Variants in CADM2 observed in about 807,000 individuals in gnomAD.
CADM2 encodes cell adhesion molecule 2, also known as immunoglobulin superfamily member 4D.
In CADM2, 12 loss-of-function variants were observed where a neutral mutation model predicts 49.8. The ratio of observed to expected loss-of-function variants is 0.24; its 90% confidence interval spans 0.15 to 0.39. CADM2 has a LOEUF of 0.39. Ranked by LOEUF, CADM2 falls within the 10% of genes least tolerant of loss-of-function variation. The pLI, the probability that CADM2 is intolerant of heterozygous loss-of-function variation, is 1.00. For synonymous variants in CADM2, 214 were observed against 175.4 expected, an observed-to-expected ratio of 1.22 and a Z score of -1.74; for missense variants, 378 against 492.3, an observed-to-expected ratio of 0.77 and a Z score of 2.20.
chr3:85,269,477 A>C (rs1461584807), intron 1 of CADM2, among the ~76,000 whole-genome samples: 1 of 151,496 alleles, frequency 6.6e-6, no homozygotes, highest in Non-Finnish European at 1.5e-5. Flanking sequence ...ACTCCAATAA[A>C]TGTATTAACA....
chr3:85,165,072 C>T (rs952949343), intron 1 of CADM2, among the ~76,000 whole-genome samples: 2 of 151,370 alleles, frequency 1.3e-5, no homozygotes, highest in Non-Finnish European at 3.0e-5. Context: ...TGATCAAGGG[C>T]CCCAGTATAA....
chr3:85,177,170 CTTTTTGCA>C (rs2107696091), intron 1 of CADM2, among the ~76,000 whole-genome samples: 1 of 152,226 alleles, frequency 6.6e-6, no homozygotes, highest in East Asian at 1.9e-4. Context: ...AATCATTTTA[CTTTTTGCA>C]ATCATTCCCT....
intron 1 of CADM2, among the ~76,000 whole-genome samples, chr3:85,053,280 T>G (rs146280838): frequency 6.6e-6 from 1 of 152,150 alleles, no homozygotes; most frequent in African/African-American, 2.4e-5. Flanking sequence ...AATAAGAATA[T>G]AATACACTGT....
At chr3:85,874,254 T>C (rs1161612416) in intron 3 of CADM2, among the ~76,000 whole-genome samples, 1 of 152,154 alleles carries the variant, frequency 6.6e-6, no homozygotes, top group African/African-American at 2.4e-5. Flanking sequence ...ATTATTAGAA[T>C]TGTACACAAT....
At chr3:85,148,958 A>G (rs1284643235) in intron 1 of CADM2, among the ~76,000 whole-genome samples, 1 of 152,150 alleles carries the variant, frequency 6.6e-6, no homozygotes, top group African/African-American at 2.4e-5. Flanking sequence ...GGACACGTGC[A>G]GTTCAAACCC....
chr3:85,941,995 C>A (rs1470923205), intron 7 of CADM2, among the ~76,000 whole-genome samples: 1 of 152,042 alleles, frequency 6.6e-6, no homozygotes, highest in Non-Finnish European at 1.5e-5. Context: ...AAAAATAAGT[C>A]TTGTTCAAGT....
intron 8 of CADM2, among the ~76,000 whole-genome samples, chr3:86,016,107 A>G (rs1435530946): frequency 2.0e-5 from 3 of 152,170 alleles, no homozygotes; most frequent in South Asian, 2.1e-4. Flanking sequence ...AAATTTTACT[A>G]TCATGTAATT....
chr3:85,957,891 T>C (rs967477510), intron 7 of CADM2, among the ~76,000 whole-genome samples: 3 of 151,958 alleles, frequency 2.0e-5, no homozygotes, highest in Non-Finnish European at 4.4e-5. Context: ...GTCAAAGAGT[T>C]CATGATGAAA....
intron 2 of CADM2, among the ~76,000 whole-genome samples, chr3:85,776,981 G>C (rs1382207779): frequency 6.6e-6 from 1 of 151,914 alleles, no homozygotes; most frequent in Non-Finnish European, 1.5e-5. Context: ...ATGCATTCCT[G>C]TGTATTTGTT....
intron 1 of CADM2, among the ~76,000 whole-genome samples, chr3:85,482,330 G>A (rs549997149): frequency 1.3e-4 from 20 of 151,838 alleles, no homozygotes; most frequent in African/African-American, 4.8e-4. Context: ...GGTGACAGTT[G>A]TATTTCTAAG....
At chr3:85,429,275 A>C (rs921472728) in intron 1 of CADM2, among the ~76,000 whole-genome samples, 4 of 152,028 alleles carry the variant, frequency 2.6e-5, no homozygotes, top group Non-Finnish European at 4.4e-5. Context: ...ATAGTATTTT[A>C]TATGATGCAA....
At chr3:85,988,001 C>T (rs577601400) in intron 8 of CADM2, among the ~76,000 whole-genome samples, 1 of 152,180 alleles carries the variant, frequency 6.6e-6, no homozygotes, top group South Asian at 2.1e-4. Context: ...TTAATAACCT[C>T]CTGTATAAGC....
chr3:85,820,201 T>A (rs916421185), intron 3 of CADM2, among the ~76,000 whole-genome samples: 4 of 151,786 alleles, frequency 2.6e-5, no homozygotes, highest in Admixed American at 6.6e-5. Context: ...ATGAGGAGAG[T>A]GATCAAAGGG....
At chr3:85,470,954 T>A (rs2107608822) in intron 1 of CADM2, among the ~76,000 whole-genome samples, 1 of 152,288 alleles carries the variant, frequency 6.6e-6, no homozygotes, top group Non-Finnish European at 1.5e-5. Context: ...AACTTGAAAA[T>A]ACAGGCAAAT....
intron 1 of CADM2, among the ~76,000 whole-genome samples, chr3:85,282,461 A>G (rs922733277): frequency 4.8e-5 from 7 of 144,452 alleles, no homozygotes; most frequent in African/African-American, 1.8e-4. Context: ...CAGTAGAGAC[A>G]GGGTTTCACT....
intron 1 of CADM2, among the ~76,000 whole-genome samples, chr3:85,284,970 T>C (rs79533606): frequency 0.056 from 8,596 of 152,144 alleles, 325 homozygotes; most frequent in East Asian, 0.14. Context: ...GAAATAATTC[T>C]AGAGAAACAT....
intron 1 of CADM2, among the ~76,000 whole-genome samples, chr3:85,423,051 G>A (rs2036246709): frequency 6.6e-6 from 1 of 152,098 alleles, no homozygotes; most frequent in South Asian, 2.1e-4. Flanking sequence ...TTGAGAGATG[G>A]AGGTGGCTTT....
At chr3:85,868,483 T>C (rs1044133161) in intron 3 of CADM2, among the ~76,000 whole-genome samples, 1 of 152,136 alleles carries the variant, frequency 6.6e-6, no homozygotes, top group Non-Finnish European at 1.5e-5. Flanking sequence ...GATTGCCTAA[T>C]GAATTTCTTA....
chr3:85,686,054 A>G (rs531160127), intron 1 of CADM2, among the ~76,000 whole-genome samples: 2 of 152,344 alleles, frequency 1.3e-5, no homozygotes, highest in South Asian at 4.1e-4. Flanking sequence ...ACAAGCTGAA[A>G]TTTTGTTCTA....
Sources: allele counts gnomAD v4.1 joint callset (sites outside exome capture counted in the v4.1 genomes callset), GRCh38; gene constraint gnomAD v4.1.1; transcripts MANE v1.5; gene names NCBI Gene and HGNC (gene_info 2026-07-23, HGNC 2026-07-21).